Variants in EIF4E3 observed in about 807,000 individuals in gnomAD.
EIF4E3 encodes the protein eukaryotic translation initiation factor 4E family member 3.
In EIF4E3, 26 loss-of-function variants were observed where a neutral mutation model predicts 31.7. The ratio of observed to expected loss-of-function variants is 0.82; its 90% CI spans 0.60 to 1.14. The LOEUF (loss-of-function observed/expected upper bound fraction) is 1.14. Ranked by LOEUF, EIF4E3 falls within the 50% of genes most tolerant of loss-of-function variation. The pLI, the probability that EIF4E3 is intolerant of heterozygous loss-of-function variation, is 0.00. For synonymous variants in EIF4E3, 128 were observed against 107.7 expected (o/e 1.19, Z -1.17); for missense variants, 304 against 270.9 (o/e 1.12, Z -0.86).
rs1268113362 is a variant in EIF4E3, at chr3:71,682,992, T to C, written c.*1690A>G. On this transcript the variant is annotated 3_prime_UTR_variant, in exon 7 of 7. Transcript: ENST00000425534. ...AGTCATAATTTTAAAACAAGTTGAA[T>C]GTTAGTACAATGTTTGGAGAAACAA... 6.6e-6 allele frequency: 1 copy of C among 152,168 alleles called. No homozygotes were observed. Among genetic ancestry groups the C allele is most frequent in the Admixed American group, 6.5e-5 (1 of 15,270 alleles). 9.4% of individuals were successfully genotyped at this position (152,168 alleles called of 1,614,324 possible).
chr3:71,753,528 C>G (rs2049958071), exon 1 of EIF4E3: 1 of 151,414 alleles, frequency 6.6e-6, no homozygotes, highest in Admixed American at 6.6e-5. Context: ...GGCCGCCTCC[C>G]GACCCCGCGG....
chr3:71,750,084 T>C lies in EIF4E3; in HGVS notation c.-291+3379A>G, dbSNP rs1578395308. Among the ~76,000 whole-genome samples, 8 of 152,324 alleles carry C rather than the reference T, an allele frequency of 5.3e-5. No homozygotes were observed. The South Asian group carries it at 1.7e-3, about 32-fold the overall frequency. On this transcript the variant is annotated intron_variant, in intron 1 of 7. Transcript: ENST00000295612. ...ATCTCAAGAGCAGCATTTTGCACCGTAGATAGAAACAGAAAACAGAAAATT... is the reference window on the plus strand; with the variant it reads ...ATCTCAAGAGCAGCATTTTGCACCGCAGATAGAAACAGAAAACAGAAAATT...
chr3:71,739,987 G>C (rs1374510640), intron 1 of EIF4E3, among the ~76,000 whole-genome samples: 1 of 152,112 alleles, frequency 6.6e-6, no homozygotes, highest in African/African-American at 2.4e-5. Context: ...AATTGTTATA[G>C]TGTATGTGAA....
upstream of EIF4E3, chr3:71,754,254 C>G (rs1287380225): frequency 1.6e-6 from 2 of 1,264,872 alleles, no homozygotes; most frequent in Admixed American, 2.6e-5. This position sits in a 1 kb window ranked among gnomAD's most constrained non-coding sequence, Gnocchi z 5.8. Context: ...GCTGCGCGCG[C>G]TCGCCTGCCT....
At chr3:71,702,786 C>G (rs1359571305) in intron 2 of EIF4E3, among the ~76,000 whole-genome samples, 1 of 151,002 alleles carries the variant, frequency 6.6e-6, no homozygotes, top group Admixed American at 6.6e-5. Context: ...CAAACCTCAT[C>G]CAATAGGTAG....
chr3:71,715,997 T>C (rs900594438), intron 1 of EIF4E3, among the ~76,000 whole-genome samples: 5 of 152,116 alleles, frequency 3.3e-5, no homozygotes, highest in African/African-American at 9.7e-5. Context: ...TGAGCAGTCA[T>C]TGTCAGCATA....
chr3:71,668,313 C>T, the EIF4E3 span, among the ~76,000 whole-genome samples: 6 of 151,980 alleles, frequency 3.9e-5, no homozygotes, highest in Non-Finnish European at 7.4e-5. Flanking sequence ...AGAAGAAAAC[C>T]GAGGCAATAC....
chr3:71,722,006 G>T (rs750259837), intron 1 of EIF4E3, among the ~76,000 whole-genome samples: 6 of 151,046 alleles, frequency 4.0e-5, no homozygotes, highest in Non-Finnish European at 8.8e-5. Context: ...ATGGCAGAAG[G>T]GAGAGTGACA....
chr3:71,661,738 A>G, the EIF4E3 span, among the ~76,000 whole-genome samples: 1 of 152,204 alleles, frequency 6.6e-6, no homozygotes, highest in Non-Finnish European at 1.5e-5. Flanking sequence ...TCTTAGTTCC[A>G]GCACTTTTTA....
At chr3:71,740,865 G>A (rs565707497) in intron 1 of EIF4E3, among the ~76,000 whole-genome samples, 4 of 152,314 alleles carry the variant, frequency 2.6e-5, no homozygotes, top group East Asian at 1.9e-4. Flanking sequence ...AGCCGGCCGC[G>A]GTGGCTCACG....
At chr3:71,710,725 A>G (rs1053996657) in intron 1 of EIF4E3, among the ~76,000 whole-genome samples, 7 of 152,226 alleles carry the variant, frequency 4.6e-5, no homozygotes, top group African/African-American at 1.4e-4. Context: ...AAAAAAGATA[A>G]GTATGTATTA....
chr3:71,667,706 G>A, the EIF4E3 span, among the ~76,000 whole-genome samples: 1 of 152,096 alleles, frequency 6.6e-6, no homozygotes, highest in African/African-American at 2.4e-5. Context: ...GGGATGTAAA[G>A]GACCTCTTCA....
chr3:71,688,112 C>CA (rs1475023059), intron 6 of EIF4E3, among the ~76,000 whole-genome samples: 1 of 152,130 alleles, frequency 6.6e-6, no homozygotes, highest in Non-Finnish European at 1.5e-5. Flanking sequence ...GACCCTTCCT[C>CA]AGTTCTGTAT....
At position 71,678,077 on chromosome 3, in the gene EIF4E3, C is replaced by T. The variant is rs1376647862; in HGVS notation, c.*6605G>A. The stretch of plus-strand genomic sequence containing the variant: ...TACTAAGCGTCAGACTCCATGCTAG[C>T]AGCGTCACACATATTAGAGGTGTTG... On this transcript the variant is annotated 3_prime_UTR_variant, in exon 7 of 7. Coordinates refer to ENST00000425534, the MANE Select transcript of EIF4E3 (RefSeq NM_001134651.2). The T allele has an allele frequency of 6.6e-6, 1 of 152,184 alleles. No homozygotes were observed. The highest frequency in any genetic ancestry group is 6.5e-5 in the Admixed American group (1 of 15,272). 9.4% of individuals were successfully genotyped at this position (152,184 alleles called of 1,614,324 possible).
rs189515478 is a variant in EIF4E3, at chr3:71,743,785, A to G, written c.-291+9678T>C. ...CAAACACATAAACTCAACAGAATAA[A>G]GAGTCCAGGAAAAGACCCACACATA... On this transcript the variant is annotated intron_variant, in intron 1 of 7. Coordinates refer to the EIF4E3 transcript ENST00000295612. 2.6e-3 allele frequency among the ~76,000 whole-genome samples: 392 copies of G among 152,332 alleles called. 3 individuals are homozygous for G. Among genetic ancestry groups the G allele is most frequent in the Admixed American group, 6.1e-3 (94 of 15,300 alleles).
At chr3:71,662,677 G>A in the EIF4E3 span, among the ~76,000 whole-genome samples, 1 of 152,226 alleles carries the variant, frequency 6.6e-6, no homozygotes, top group Non-Finnish European at 1.5e-5. Flanking sequence ...TTCACCACCA[G>A]CTGCTGTAAA....
At chr3:71,753,647 C>CGCGGCG (rs981511310), upstream of EIF4E3, 3,366 of 147,524 alleles carry the variant, frequency 0.023, 47 homozygotes, top group Non-Finnish European at 0.036. Context: ...GAGGGGGCTC[C>CGCGGCG]GCGGCGGCGG....
intron 1 of EIF4E3, among the ~76,000 whole-genome samples, chr3:71,713,842 A>C (rs1290204051): frequency 6.6e-6 from 1 of 152,060 alleles, no homozygotes; most frequent in Non-Finnish European, 1.5e-5. Flanking sequence ...CTTCACAAAA[A>C]CCAAAAGGGT....
intron 1 of EIF4E3, among the ~76,000 whole-genome samples, chr3:71,724,729 C>T (rs1057494611): frequency 6.6e-6 from 1 of 152,166 alleles, no homozygotes; most frequent in African/African-American, 2.4e-5. Flanking sequence ...ATAATCATTG[C>T]ACCACCGCAC....
Sources: allele counts gnomAD v4.1 joint callset (sites outside exome capture counted in the v4.1 genomes callset), GRCh38; gene constraint gnomAD v4.1.1; non-coding constraint Gnocchi (gnomAD v3.1); transcripts MANE v1.5; gene names NCBI Gene and HGNC (gene_info 2026-07-23, HGNC 2026-07-21).